The following NRXN3 variants were observed in gnomAD, a reference collection of about 807,000 sequenced individuals.
NRXN3 encodes neurexin III.
Under a neutral mutation model 137.6 loss-of-function variants are expected in NRXN3, and 32 were observed. That is an observed-to-expected ratio of 0.23 (90% confidence interval 0.18 to 0.31). The LOEUF is 0.31. NRXN3 is among the 10% of genes least tolerant of loss of function. The pLI is 1.00. For synonymous variants in NRXN3, 798 were observed against 784.5 expected, an observed-to-expected ratio of 1.02 and a Z score of -0.29; for missense variants, 1,574 against 2,062.5, an observed-to-expected ratio of 0.76 and a Z score of 4.59.
chr14:79,558,308 C>T (rs2097451976), intron 16 of NRXN3, among the ~76,000 whole-genome samples: 1 of 152,106 alleles, frequency 6.6e-6, no homozygotes, highest in Non-Finnish European at 1.5e-5. Flanking sequence ...AAGAATATTT[C>T]AATGTACTTC....
chr14:79,807,572 C>G (rs1468944235), intron 20 of NRXN3, among the ~76,000 whole-genome samples: 3 of 152,148 alleles, frequency 2.0e-5, no homozygotes, highest in Non-Finnish European at 4.4e-5. Flanking sequence ...GGTATTTTCT[C>G]TGATTCAGAA....
At chr14:79,699,645 A>AAAAGT (rs1379853464) in intron 19 of NRXN3, among the ~76,000 whole-genome samples, 1 of 152,026 alleles carries the variant, frequency 6.6e-6, no homozygotes, top group Non-Finnish European at 1.5e-5. Flanking sequence ...ACTTTGGAAG[A>AAAAGT]AAAGTAGGGT....
intron 8 of NRXN3, among the ~76,000 whole-genome samples, chr14:78,761,253 A>G (rs1239133262): frequency 4.6e-5 from 7 of 152,168 alleles, no homozygotes; most frequent in Non-Finnish European, 1.0e-4. Context: ...CCTCTGTCTC[A>G]GAAAGTGGAA....
intron 17 of NRXN3, among the ~76,000 whole-genome samples, chr14:79,666,361 A>C (rs1326590981): frequency 2.0e-5 from 3 of 152,156 alleles, no homozygotes; most frequent in Admixed American, 2.0e-4. Flanking sequence ...TGGGACAATT[A>C]AGTCAATCCT....
At chr14:79,717,451 T>C (rs2098827477) in intron 19 of NRXN3, among the ~76,000 whole-genome samples, 1 of 152,184 alleles carries the variant, frequency 6.6e-6, no homozygotes, top group Non-Finnish European at 1.5e-5. Flanking sequence ...TAAACTGCAT[T>C]TGTAGTAAGA....
intron 19 of NRXN3, among the ~76,000 whole-genome samples, chr14:79,741,920 T>C (rs1443318451): frequency 6.6e-6 from 1 of 152,138 alleles, no homozygotes; most frequent in Non-Finnish European, 1.5e-5. Context: ...ACATATAGAT[T>C]TGTTGTCTAG....
At chr14:78,384,963 TA>T (rs951654029) in intron 4 of NRXN3, among the ~76,000 whole-genome samples, 3 of 151,950 alleles carry the variant, frequency 2.0e-5, no homozygotes, top group South Asian at 2.1e-4. Context: ...TCTTTCACCT[TA>T]AAAAAAATGA....
chr14:79,034,990 G>A (rs1479766637), intron 15 of NRXN3, among the ~76,000 whole-genome samples: 3 of 152,068 alleles, frequency 2.0e-5, no homozygotes, highest in Non-Finnish European at 4.4e-5. Flanking sequence ...TAAGATTATC[G>A]AAGCATCTTA....
intron 15 of NRXN3, among the ~76,000 whole-genome samples, chr14:79,317,971 A>G (rs943447139): frequency 3.3e-5 from 5 of 152,192 alleles, no homozygotes; most frequent in African/African-American, 1.2e-4. Flanking sequence ...AATATTAATG[A>G]CATGTTTCAG....
At chr14:78,517,795 C>A (rs2096231711) in intron 4 of NRXN3, among the ~76,000 whole-genome samples, 1 of 152,260 alleles carries the variant, frequency 6.6e-6, no homozygotes, top group East Asian at 1.9e-4. Context: ...TTTACCTTTG[C>A]AAATGCAGGT....
chr14:79,040,760 G>A (rs2099623752), intron 15 of NRXN3, among the ~76,000 whole-genome samples: 1 of 152,142 alleles, frequency 6.6e-6, no homozygotes, highest in Admixed American at 6.5e-5. Flanking sequence ...TGTGCATAAG[G>A]TGTGAATTTC....
intron 15 of NRXN3, among the ~76,000 whole-genome samples, chr14:79,351,300 T>A (rs752713779): frequency 2.6e-5 from 4 of 152,212 alleles, no homozygotes; most frequent in Non-Finnish European, 5.9e-5. Context: ...CTCATTCTTT[T>A]TCTGGTGGAA....
At chr14:79,478,172 T>TAAATATATATTATTTTATATATTTATAC (rs1265022755) in intron 16 of NRXN3, among the ~76,000 whole-genome samples, 1 of 147,868 alleles carries the variant, frequency 6.8e-6, no homozygotes, top group African/African-American at 2.5e-5. Context: ...TTTATATATT[T>TAAATATATATTATTTTATATATTTATAC]AAATATATAT....
chr14:79,768,783 G>C (rs573160420), intron 19 of NRXN3, among the ~76,000 whole-genome samples: 5 of 152,326 alleles, frequency 3.3e-5, no homozygotes, highest in East Asian at 1.9e-4. Flanking sequence ...GAATGACTTT[G>C]ACGAGCTGAG....
chr14:79,518,618 T>C (rs2097023217), intron 16 of NRXN3, among the ~76,000 whole-genome samples: 1 of 152,180 alleles, frequency 6.6e-6, no homozygotes, highest in Admixed American at 6.5e-5. Context: ...CAGTTGTTTC[T>C]TCTGAGAACT....
chr14:78,199,170 G>T (rs1265786984), intron 1 of NRXN3, among the ~76,000 whole-genome samples: 1 of 152,216 alleles, frequency 6.6e-6, no homozygotes, highest in Admixed American at 6.5e-5. Flanking sequence ...GGAAGCAAGT[G>T]CAGCAGCCAG....
intron 16 of NRXN3, among the ~76,000 whole-genome samples, chr14:79,512,652 C>T (rs548877635): frequency 1.3e-5 from 2 of 152,190 alleles, no homozygotes; most frequent in East Asian, 1.9e-4. Context: ...ATTGGACAAA[C>T]AAGGCTAGTC....
At chr14:78,609,969 C>A (rs1458931546) in intron 4 of NRXN3, among the ~76,000 whole-genome samples, 1 of 151,344 alleles carries the variant, frequency 6.6e-6, no homozygotes, top group Non-Finnish European at 1.5e-5. Context: ...GAATTCACAG[C>A]TGTCTTTACC....
chr14:78,765,069 ATGGTCACCTC>A (rs575939706), intron 8 of NRXN3, among the ~76,000 whole-genome samples: 3,934 of 152,314 alleles, frequency 0.026, 79 homozygotes, highest in Non-Finnish European at 0.042. Context: ...AATGTATGCT[ATGGTCACCTC>A]TGTAGAGGAA....
Sources: gnomAD v4.1 joint callset for allele counts (sites outside exome capture counted in the v4.1 genomes callset) on GRCh38, gnomAD v4.1.1 for gene constraint, MANE v1.5 for transcripts, NCBI Gene and HGNC (gene_info 2026-07-23, HGNC 2026-07-21) for gene names.